The following ANK2 variants were observed in gnomAD, a reference collection of about 807,000 sequenced individuals.
ANK2 encodes ankyrin-2.
A neutral mutation model predicts 360.5 loss-of-function variants in ANK2; 83 were observed. The ratio of observed to expected loss-of-function variants is 0.23; its 90% CI spans 0.19 to 0.28. ANK2 has a LOEUF of 0.28. Ranked by LOEUF, ANK2 falls within the 10% of genes least tolerant of loss-of-function variation. The pLI, the probability that ANK2 is intolerant of heterozygous loss-of-function variation, is 1.00. For synonymous variants in ANK2, 1,740 were observed against 1,759.5 expected (o/e 0.99, Z 0.28); for missense variants, 4,201 against 4,795.7 (o/e 0.88, Z 3.66).
chr4:113,147,234 G>T (rs1325396143), intron 1 of ANK2, among the ~76,000 whole-genome samples: 2 of 152,078 alleles, frequency 1.3e-5, no homozygotes, highest in Middle Eastern at 3.2e-3. Context: ...GTTAACAACC[G>T]CACAGGCGAG....
At chr4:112,957,596 C>A (rs1433171611) in intron 2 of ANK2, among the ~76,000 whole-genome samples, 1 of 150,734 alleles carries the variant, frequency 6.6e-6, no homozygotes, top group Non-Finnish European at 1.5e-5. Flanking sequence ...GGCGGCCGGG[C>A]AGAGGCGCCC....
intron 4 of ANK2, among the ~76,000 whole-genome samples, chr4:113,214,640 T>C (rs1429062077): frequency 6.6e-6 from 1 of 152,184 alleles, no homozygotes; most frequent in African/African-American, 2.4e-5. Flanking sequence ...AAAAAATTTA[T>C]TACTAAGAGT....
intron 2 of ANK2, among the ~76,000 whole-genome samples, chr4:113,196,043 TA>T (rs2098741647): frequency 6.6e-6 from 1 of 152,224 alleles, no homozygotes. Flanking sequence ...TACAGAATTT[TA>T]TTTTGTGCCA....
intron 2 of ANK2, among the ~76,000 whole-genome samples, chr4:112,970,006 C>T (rs578107039): frequency 6.6e-5 from 10 of 151,008 alleles, no homozygotes; most frequent in African/African-American, 2.4e-4. Context: ...TTTTTTGAGA[C>T]GGAGTCTCAC....
intron 26 of ANK2, among the ~76,000 whole-genome samples, chr4:113,329,718 C>T (rs1188294060): frequency 6.6e-6 from 1 of 152,188 alleles, no homozygotes; most frequent in East Asian, 1.9e-4. Flanking sequence ...AATTATTTTG[C>T]ATTTCTCCTC....
intron 1 of ANK2, among the ~76,000 whole-genome samples, chr4:113,135,699 C>T (rs1397861945): frequency 6.6e-6 from 1 of 152,130 alleles, no homozygotes; most frequent in East Asian, 1.9e-4. Context: ...CTTACTCTTA[C>T]CTCATGAACC....
intron 2 of ANK2, among the ~76,000 whole-genome samples, chr4:113,182,718 G>A (rs898201960): frequency 7.2e-5 from 11 of 152,200 alleles, no homozygotes; most frequent in African/African-American, 2.7e-4. Context: ...GATGGAAACT[G>A]GTGACTTGAT....
At chr4:112,746,558 C>G in the ANK2 span, among the ~76,000 whole-genome samples, 11 of 151,190 alleles carry the variant, frequency 7.3e-5, no homozygotes, top group Non-Finnish European at 1.5e-4. Flanking sequence ...ATACAGACCT[C>G]CTCCTAACAT....
chr4:112,990,073 C>A (rs1224237392), intron 2 of ANK2, among the ~76,000 whole-genome samples: 1 of 151,984 alleles, frequency 6.6e-6, no homozygotes, highest in African/African-American at 2.4e-5. Context: ...GAGTTCAAGA[C>A]CAGCCTGAGA....
intron 2 of ANK2, among the ~76,000 whole-genome samples, chr4:112,911,281 G>A (rs529959768): frequency 1.3e-5 from 2 of 150,870 alleles, no homozygotes; most frequent in Admixed American, 6.6e-5. Context: ...GCCGAGGCGG[G>A]CGGATCACGA....
the ANK2 span, among the ~76,000 whole-genome samples, chr4:112,736,814 A>G: frequency 4.6e-5 from 7 of 152,236 alleles, no homozygotes; most frequent in Non-Finnish European, 8.8e-5. Flanking sequence ...TGCTGATGGC[A>G]TCACTAGACC....
At chr4:113,336,884 T>G in intron 31 of ANK2, 103 bp downstream of exon 31, 1 of 1,087,010 alleles carries the variant, frequency 9.2e-7, no homozygotes, top group Admixed American at 1.9e-5. Flanking sequence ...CAGGGTCATA[T>G]GCATTAATTC....
intron 2 of ANK2, among the ~76,000 whole-genome samples, chr4:112,939,538 C>T (rs2094037866): frequency 6.6e-6 from 1 of 152,098 alleles, no homozygotes; most frequent in Non-Finnish European, 1.5e-5. Flanking sequence ...TGGTCTCAAC[C>T]TCCTGACCTC....
At chr4:113,178,267 AAAAT>A (rs993366835) in intron 2 of ANK2, among the ~76,000 whole-genome samples, 2 of 151,968 alleles carry the variant, frequency 1.3e-5, no homozygotes, top group Non-Finnish European at 2.9e-5. Flanking sequence ...GTCTCTTAAA[AAAAT>A]AAATAAATAA....
chr4:113,314,480 C>T (rs982602041), intron 24 of ANK2, among the ~76,000 whole-genome samples: 1 of 152,112 alleles, frequency 6.6e-6, no homozygotes, highest in African/African-American at 2.4e-5. Flanking sequence ...CCTAGTACAT[C>T]CCCTAGATGA....
chr4:113,035,737 T>G, intron 2 of ANK2, among the ~76,000 whole-genome samples: 1 of 146,574 alleles, frequency 6.8e-6, no homozygotes, highest in East Asian at 2.2e-4. Context: ...GCAAATCCTG[T>G]TGATTAAAAT....
At chr4:113,137,078 C>T (rs2096454324) in intron 1 of ANK2, among the ~76,000 whole-genome samples, 1 of 152,116 alleles carries the variant, frequency 6.6e-6, no homozygotes, top group Non-Finnish European at 1.5e-5. Context: ...AGGTGATCCA[C>T]CCACCTTGGC....
At chr4:113,098,232 T>A (rs937804495) in intron 1 of ANK2, among the ~76,000 whole-genome samples, 1 of 151,438 alleles carries the variant, frequency 6.6e-6, no homozygotes, top group African/African-American at 2.4e-5. Flanking sequence ...ACAAATGAAA[T>A]TTAAAACAAT....
intron 2 of ANK2, among the ~76,000 whole-genome samples, chr4:112,994,942 T>G (rs951477454): frequency 6.6e-6 from 1 of 150,534 alleles, no homozygotes; most frequent in Non-Finnish European, 1.5e-5. Flanking sequence ...ACTTCATTCC[T>G]TTTTTATGGC....
Sources: gnomAD v4.1 joint callset for allele counts (sites outside exome capture counted in the v4.1 genomes callset) on GRCh38, gnomAD v4.1.1 for gene constraint, MANE v1.5 for transcripts, NCBI Gene and HGNC (gene_info 2026-07-23, HGNC 2026-07-21) for gene names.